Variants in GLIS3 observed in about 807,000 individuals in gnomAD.
GLIS3 encodes GLIS family zinc finger 3.
In GLIS3, 53 loss-of-function variants were observed where a neutral mutation model predicts 78.6. The observed-to-expected ratio is 0.67, with a 90% CI of 0.54 to 0.85. The LOEUF (loss-of-function observed/expected upper bound fraction) is 0.85. GLIS3 is among the 40% of genes least tolerant of loss of function. GLIS3 has a pLI of 0.00. For synonymous variants in GLIS3, 684 were observed against 509.9 expected (o/e 1.34, Z -4.60); for missense variants, 1,703 against 1,231.1 (o/e 1.38, Z -5.74).
At chr9:4,031,041 G>A (rs1425507054) in intron 4 of GLIS3, among the ~76,000 whole-genome samples, 1 of 152,192 alleles carries the variant, frequency 6.6e-6, no homozygotes, top group Non-Finnish European at 1.5e-5. Flanking sequence ...TTCGTGCACT[G>A]CTGGTAGGAA....
In GLIS3 at chr9:3,898,775, G is replaced by A. The variant is rs764663528; in HGVS notation, c.2044C>T (p.Leu682=). 8 of 1,614,086 alleles carry A rather than the reference G, an allele frequency of 5.0e-6. No homozygotes were observed. The East Asian group carries it at 1.6e-4, about 31-fold the overall frequency. The change falls in exon 7 of 11, where the codon CTG becomes TTG. Residue 682 remains leucine (L), a synonymous_variant. Coordinates refer to ENST00000381971, the MANE Select transcript of GLIS3 (RefSeq NM_001042413.2). Reference sequence around the variant, plus strand: ...TCTCTAGGGGAAGTGGCCGGCTGCAGGGACTGCACGGTGAGGCAATCTGTG... The same window carrying A: ...TCTCTAGGGGAAGTGGCCGGCTGCAAGGACTGCACGGTGAGGCAATCTGTG... ...LLTDCLTVQS[L]QPATSPRDAA... is the part of the protein sequence containing the mutation.
intron 4 of GLIS3, among the ~76,000 whole-genome samples, chr9:4,049,412 C>T (rs1336943783): frequency 2.6e-5 from 4 of 152,172 alleles, no homozygotes; most frequent in Non-Finnish European, 5.9e-5. Flanking sequence ...GACCTTGCTC[C>T]ATTAGTTGAT....
the GLIS3 span, among the ~76,000 whole-genome samples, chr9:4,399,391 T>G: frequency 6.6e-6 from 1 of 152,244 alleles, no homozygotes; most frequent in Non-Finnish European, 1.5e-5. Context: ...ATCATTAAAC[T>G]GATTCTCTTA....
intron 4 of GLIS3, among the ~76,000 whole-genome samples, chr9:4,307,226 C>T (rs1817249053): frequency 6.6e-6 from 1 of 152,190 alleles, no homozygotes; most frequent in Admixed American, 6.5e-5. Context: ...GGCACACACT[C>T]TTAGCTGTAA....
intron 1 of GLIS3, among the ~76,000 whole-genome samples, chr9:4,298,756 G>A (rs971655972): frequency 2.6e-5 from 4 of 152,124 alleles, no homozygotes; most frequent in South Asian, 2.1e-4. Flanking sequence ...TGGCGGCGTG[G>A]GAGGTTATAG....
In GLIS3 at chr9:4,292,528, T is replaced by C. The variant is rs190830748; in HGVS notation, c.-98-6005A>G. ...AGTCAAAGTAAAATAAATAACAAAATATAGCTAGAATGAAGAACAGAAAAG... is the reference window on the plus strand; with the variant it reads ...AGTCAAAGTAAAATAAATAACAAAACATAGCTAGAATGAAGAACAGAAAAG... On this transcript the variant is annotated intron_variant, in intron 1 of 10. Coordinates refer to ENST00000381971, the MANE Select transcript of GLIS3 (RefSeq NM_001042413.2). Among the ~76,000 whole-genome samples the C allele has an allele frequency of 3.7e-3, 559 of 152,214 alleles. 2 individuals carry two copies. Among genetic ancestry groups the C allele is most frequent in the Admixed American group, 5.8e-3 (89 of 15,294 alleles).
chr9:4,481,534 G>A, the GLIS3 span, among the ~76,000 whole-genome samples: 47 of 151,832 alleles, frequency 3.1e-4, no homozygotes, highest in African/African-American at 1.0e-3. Flanking sequence ...GTGTGTGTGT[G>A]TGTGTGTGTA....
At position 3,856,143 on chromosome 9, in the gene GLIS3, C is replaced by T. The variant is rs200694226; in HGVS notation, c.2339G>A (p.Arg780Gln). ...TATTGAAGAAGGAGCTGGAACTCTC[C>T]GGGGGCTGATGTGGTGAGGAGATGG... The part of the protein sequence containing the change: ...SAPSPHHISP[R>Q]RVPAPSSILQ... The change falls in exon 9 of 11, where the codon CGG becomes CAG. Residue 780 changes from arginine to glutamine, a missense_variant. Physicochemically the swap from Arg to Gln is conservative, Grantham distance 43 (BLOSUM62 1). Transcript: ENST00000381971. 4.1e-5 allele frequency: 66 copies of T among 1,614,006 alleles called. No homozygotes were observed. Among genetic ancestry groups the T allele is most frequent in the East Asian group, 1.8e-4 (8 of 44,862 alleles).
At chr9:4,126,431 T>C (rs758179487) in intron 2 of GLIS3, among the ~76,000 whole-genome samples, 1 of 152,238 alleles carries the variant, frequency 6.6e-6, no homozygotes, top group African/African-American at 2.4e-5. Flanking sequence ...CTCTCTACTC[T>C]TGATTTTTTT....
intron 2 of GLIS3, among the ~76,000 whole-genome samples, chr9:4,132,430 C>G (rs1046198021): frequency 6.6e-6 from 1 of 152,206 alleles, no homozygotes; most frequent in Admixed American, 6.5e-5. Context: ...TCACAATTAT[C>G]ACTACTGAGG....
intron 4 of GLIS3, among the ~76,000 whole-genome samples, chr9:4,094,314 C>T (rs1283073699): frequency 6.6e-6 from 1 of 152,124 alleles, no homozygotes; most frequent in Non-Finnish European, 1.5e-5. Flanking sequence ...AATTGACATG[C>T]TCATATGTGG....
intron 2 of GLIS3, among the ~76,000 whole-genome samples, chr9:4,142,686 T>C (rs896625175): frequency 6.6e-6 from 1 of 152,186 alleles, no homozygotes; most frequent in Non-Finnish European, 1.5e-5. Context: ...TCGGGTAATA[T>C]TAGCACCTTA....
intron 4 of GLIS3, among the ~76,000 whole-genome samples, chr9:4,009,153 T>A (rs1194400354): frequency 6.6e-6 from 1 of 152,174 alleles, no homozygotes; most frequent in East Asian, 1.9e-4. Context: ...ACTTTCTCTC[T>A]CCTTCCAGAG....
At chr9:4,184,854 CA>C (rs1002692498) in intron 2 of GLIS3, among the ~76,000 whole-genome samples, 3 of 149,766 alleles carry the variant, frequency 2.0e-5, no homozygotes, top group African/African-American at 7.4e-5. Flanking sequence ...CATTACGTAG[CA>C]AAAAAACAAT....
At chr9:4,252,936 G>C (rs1408472527) in intron 2 of GLIS3, among the ~76,000 whole-genome samples, 1 of 152,222 alleles carries the variant, frequency 6.6e-6, no homozygotes, top group African/African-American at 2.4e-5. Flanking sequence ...GGTATCACCA[G>C]TGGAGGCTGC....
chr9:4,327,344 G>A (rs1262967359), intron 2 of GLIS3, among the ~76,000 whole-genome samples: 1 of 152,176 alleles, frequency 6.6e-6, no homozygotes, highest in African/African-American at 2.4e-5. Context: ...AGTAGGGGAA[G>A]AGGGAGGAGA....
chr9:3,860,506 C>G (rs1820141447), intron 8 of GLIS3, among the ~76,000 whole-genome samples: 1 of 151,996 alleles, frequency 6.6e-6, no homozygotes, highest in African/African-American at 2.4e-5. Flanking sequence ...AGCATTCAAA[C>G]TTAGATTGTT....
rs62523479 is a variant in GLIS3, at chr9:3,936,838, G to A, written c.1872+190C>T. Among the ~76,000 whole-genome samples, 1,000 of 152,280 alleles carry A rather than the reference G, an allele frequency of 6.6e-3. 6 individuals carry two copies. The highest frequency in any genetic ancestry group is 0.013 in the South Asian group (65 of 4,824). On this transcript the variant is annotated intron_variant, in intron 5 of 10. Coordinates refer to ENST00000381971, the MANE Select transcript of GLIS3 (RefSeq NM_001042413.2). ...GTTGTAATATTTAGAATAAACTGCT[G>A]CTACAGAAAAATGAAACAGCCAAAT...
chr9:4,157,377 C>T (rs147721068), intron 2 of GLIS3, among the ~76,000 whole-genome samples: 2 of 152,154 alleles, frequency 1.3e-5, no homozygotes, highest in East Asian at 1.9e-4. Context: ...CAACAGGGCA[C>T]GATTTTGCAT....
Sources: gnomAD v4.1 joint callset for allele counts (sites outside exome capture counted in the v4.1 genomes callset) on GRCh38, gnomAD v4.1.1 for gene constraint, MANE v1.5 for transcripts, NCBI Gene and HGNC (gene_info 2026-07-23, HGNC 2026-07-21) for gene names.